The following PRKCB variants were observed in gnomAD, a reference collection of about 807,000 sequenced individuals.
PRKCB encodes protein kinase C beta, also known as protein kinase C beta type.
PRKCB carries 13 observed loss-of-function variants against 81.5 expected under a neutral mutation model. That is an observed-to-expected ratio of 0.16 (90% CI 0.10 to 0.25). The LOEUF is 0.25. Ranked by LOEUF, PRKCB falls within the 10% of genes least tolerant of loss-of-function variation. The pLI, the probability that PRKCB is intolerant of heterozygous loss-of-function variation, is 1.00. For missense variants in PRKCB, 509 were observed against 875.7 expected (o/e 0.58, Z 5.29); for synonymous variants, 335 against 321.4 (o/e 1.04, Z -0.45).
chr16:24,151,756 A>G (rs188930385), intron 9 of PRKCB: 29 of 454,720 alleles, frequency 6.4e-5, no homozygotes, highest in African/African-American at 4.8e-4. Flanking sequence ...AAGGGCTTTC[A>G]GCATTCAAGT....
chr16:23,863,206 G>A (rs923111061), intron 2 of PRKCB, among the ~76,000 whole-genome samples: 22 of 60,544 alleles, frequency 3.6e-4, no homozygotes, highest in Admixed American at 9.9e-4. Flanking sequence ...GTATATATGT[G>A]TATATATACA....
At chr16:24,121,262 C>T (rs947483550) in intron 8 of PRKCB, among the ~76,000 whole-genome samples, 21 of 152,218 alleles carry the variant, frequency 1.4e-4, no homozygotes, top group Admixed American at 1.3e-3. Context: ...AGGACCCAAT[C>T]CCAGCTAGAA....
rs1387394834 is a variant in PRKCB at position 23,845,497 on chromosome 16, A to G, written c.205+8091A>G. Among the ~76,000 whole-genome samples the G allele has an allele frequency of 2.0e-5, 3 of 152,180 alleles. No homozygotes were observed. The East Asian group carries it at 5.8e-4, about 29-fold the overall frequency. Reference sequence around the variant, plus strand: ...CCATATCCTGGATAATATATGCAACAGGGCTGAAGGCAGTGGCTCATGTCT... The same window carrying G: ...CCATATCCTGGATAATATATGCAACGGGGCTGAAGGCAGTGGCTCATGTCT... On this transcript the variant is annotated intron_variant, in intron 2 of 16. Transcript: ENST00000643927.
chr16:23,978,741 C>T (rs958266201), intron 2 of PRKCB, among the ~76,000 whole-genome samples: 15 of 152,188 alleles, frequency 9.9e-5, no homozygotes, highest in African/African-American at 3.6e-4. Flanking sequence ...TAGGCTACTG[C>T]TGTCCAATAA....
intron 5 of PRKCB, among the ~76,000 whole-genome samples, chr16:24,043,692 T>A (rs1270219504): frequency 2.0e-5 from 3 of 152,202 alleles, no homozygotes; most frequent in Non-Finnish European, 2.9e-5. Flanking sequence ...CCCTGGTCAT[T>A]TAAGTCTCAT....
chr16:24,138,466 A>G (rs1440749447), intron 9 of PRKCB, among the ~76,000 whole-genome samples: 1 of 152,228 alleles, frequency 6.6e-6, no homozygotes, highest in Non-Finnish European at 1.5e-5. Context: ...ATCTGCTTTT[A>G]TTTTAACTAT....
intron 2 of PRKCB, among the ~76,000 whole-genome samples, chr16:23,899,186 C>T (rs1963426155): frequency 6.6e-6 from 1 of 152,174 alleles, no homozygotes; most frequent in Non-Finnish European, 1.5e-5. Flanking sequence ...CCCTCCGCTC[C>T]CACAGAAAGA....
At chr16:23,937,723 C>T (rs1310252660) in intron 2 of PRKCB, among the ~76,000 whole-genome samples, 1 of 152,202 alleles carries the variant, frequency 6.6e-6, no homozygotes, top group East Asian at 1.9e-4. Flanking sequence ...CAGCTTCGTA[C>T]CAAGTGGGAA....
At chr16:23,935,686 C>T (rs1964048491) in intron 2 of PRKCB, among the ~76,000 whole-genome samples, 1 of 152,136 alleles carries the variant, frequency 6.6e-6, no homozygotes, top group Non-Finnish European at 1.5e-5. Flanking sequence ...TGGCAGAATA[C>T]TATGCAGTCA....
At position 24,050,729 on chromosome 16, in the gene PRKCB, T is replaced by C. The variant is rs1965831072; in HGVS notation, c.529+15182T>C. The stretch of plus-strand genomic sequence containing the variant: ...ATTGATTTCACTAACAATTGGCAAA[T>C]GTGTCATGACCCGCCGCTTGAAAAA... On this transcript the variant is annotated intron_variant, in intron 5 of 16. Coordinates refer to ENST00000643927, the MANE Select transcript of PRKCB (RefSeq NM_002738.7). Among the ~76,000 whole-genome samples the C allele has an allele frequency of 2.0e-5, 3 of 152,150 alleles. No individual in the cohort carries two copies. The South Asian group carries it at 6.2e-4, about 32-fold the overall frequency.
chr16:24,219,061 T>C lies in PRKCB; in HGVS notation c.*4245T>C. 4 of 985,412 alleles carry C rather than the reference T, an allele frequency of 4.1e-6. No individual in the cohort carries two copies. Among genetic ancestry groups the C allele is most frequent in the Non-Finnish European group, 4.8e-6 (4 of 829,988 alleles). The allele number at this position is 985,412 out of a possible 1,614,324, so 61.0% of individuals were successfully genotyped here. ...TGATGATGAGGAAAGACAAGAGGCTTGCAAGGACCCTGAAGAGGTCGGAGC... is the reference window on the plus strand; with the variant it reads ...TGATGATGAGGAAAGACAAGAGGCTCGCAAGGACCCTGAAGAGGTCGGAGC... On this transcript the variant is annotated 3_prime_UTR_variant, in exon 17 of 17. Coordinates refer to ENST00000643927, the MANE Select transcript of PRKCB (RefSeq NM_002738.7).
intron 2 of PRKCB, among the ~76,000 whole-genome samples, chr16:23,933,761 CTATCCACTCCATCCA>C (rs1199621172): frequency 1.5e-5 from 2 of 137,348 alleles, no homozygotes; most frequent in African/African-American, 5.5e-5. Context: ...ATCTATCCAT[CTATCCACTCCATCCA>C]TCCATCCATC....
In PRKCB at chr16:24,123,986, G is replaced by A; in HGVS notation, c.1065+5G>A. On this transcript the variant is annotated splice_donor_5th_base_variant and intron_variant, in intron 9 of 16. Transcript: ENST00000643927. Reference sequence around the variant, plus strand: ...GGGAAAGGCAGCTTTGGCAAGGTATGGTATGATTTGGTGGCTCCACCTGCT... The same window carrying A: ...GGGAAAGGCAGCTTTGGCAAGGTATAGTATGATTTGGTGGCTCCACCTGCT... 2 of 1,613,986 alleles carry A rather than the reference G, an allele frequency of 1.2e-6. No individual in the cohort carries two copies. Among genetic ancestry groups the A allele is most frequent in the South Asian group, 2.2e-5 (2 of 91,056 alleles).
At chr16:24,060,946 G>T in intron 5 of PRKCB, among the ~76,000 whole-genome samples, 1 of 152,152 alleles carries the variant, frequency 6.6e-6, no homozygotes, top group South Asian at 2.1e-4. Context: ...AAGATGCCTT[G>T]TTTAATGTTT....
intron 9 of PRKCB, among the ~76,000 whole-genome samples, chr16:24,133,800 G>A (rs1966857160): frequency 6.6e-6 from 1 of 152,156 alleles, no homozygotes; most frequent in South Asian, 2.1e-4. Context: ...CTCCAAGAAG[G>A]AGGCGGGACC....
At chr16:24,134,529 G>A (rs997709639) in intron 9 of PRKCB, among the ~76,000 whole-genome samples, 3 of 152,042 alleles carry the variant, frequency 2.0e-5, no homozygotes, top group Non-Finnish European at 4.4e-5. Flanking sequence ...GGCAGATCAC[G>A]AGGTCAGGAG....
intron 2 of PRKCB, among the ~76,000 whole-genome samples, chr16:23,845,629 C>A (rs948147907): frequency 2.6e-5 from 4 of 152,062 alleles, no homozygotes; most frequent in African/African-American, 9.7e-5. Flanking sequence ...AAAAACAAAA[C>A]AAAATATGTG....
intron 2 of PRKCB, among the ~76,000 whole-genome samples, chr16:23,887,826 C>T (rs553047674): frequency 2.5e-4 from 28 of 110,126 alleles, no homozygotes; most frequent in Non-Finnish European, 4.9e-4. Flanking sequence ...AGTGTAAGAG[C>T]GTCCTTTTTT....
chr16:23,968,905 G>A (rs1964522406), intron 2 of PRKCB, among the ~76,000 whole-genome samples: 1 of 152,116 alleles, frequency 6.6e-6, no homozygotes, highest in Admixed American at 6.6e-5. Context: ...TCCTGAGAAA[G>A]GGCTTCAGTT....
Sources: gnomAD v4.1 joint callset for allele counts (sites outside exome capture counted in the v4.1 genomes callset) on GRCh38, gnomAD v4.1.1 for gene constraint, MANE v1.5 for transcripts, NCBI Gene and HGNC (gene_info 2026-07-23, HGNC 2026-07-21) for gene names.